Variants in XPNPEP3 observed in about 807,000 individuals in gnomAD.
XPNPEP3 encodes xaa-Pro aminopeptidase 3.
A neutral mutation model predicts 60.0 loss-of-function variants in XPNPEP3; 41 were observed. The observed-to-expected ratio is 0.68, with a 90% CI of 0.53 to 0.89. The LOEUF is 0.89. Among genes scored for constraint, XPNPEP3 ranks in the 40% least tolerant of loss-of-function variants. The probability of loss-of-function intolerance (pLI) is 0.00; values close to 1 mark genes in which losing one functional copy is unlikely to be tolerated. For synonymous variants in XPNPEP3, 212 were observed against 223.2 expected (o/e 0.95, Z 0.45); for missense variants, 598 against 638.9 (o/e 0.94, Z 0.69).
chr22:40,861,046 A>G, intron 1 of XPNPEP3: 1 of 1,553,536 alleles, frequency 6.4e-7, no homozygotes, highest in Non-Finnish European at 8.7e-7. Flanking sequence ...TTCAAATGTT[A>G]TATATTTGAA....
intron 3 of XPNPEP3, 64 bp downstream of exon 3, chr22:40,882,241 T>A (rs1256995760): frequency 6.4e-7 from 1 of 1,571,804 alleles, no homozygotes; most frequent in Non-Finnish European, 8.7e-7. Context: ...TCTTGCCTGT[T>A]TAGACAAGTC....
chr22:40,876,333 C>T (rs969117774), intron 2 of XPNPEP3, among the ~76,000 whole-genome samples: 19 of 152,150 alleles, frequency 1.2e-4, no homozygotes, highest in Non-Finnish European at 2.5e-4. Flanking sequence ...TTTGGATTCC[C>T]GGGTGACAAC....
intron 4 of XPNPEP3, among the ~76,000 whole-genome samples, chr22:40,904,961 AT>A (rs2146267753): frequency 6.6e-6 from 1 of 151,988 alleles, no homozygotes; most frequent in South Asian, 2.1e-4. Flanking sequence ...AGACAGCAGG[AT>A]TTCACCATGT....
intron 3 of XPNPEP3, 56 bp downstream of exon 3, chr22:40,882,233 T>C (rs1006853027): frequency 2.4e-5 from 39 of 1,600,706 alleles, no homozygotes; most frequent in Non-Finnish European, 3.2e-5. Context: ...AAAACCTTTC[T>C]TGCCTGTTTA....
chr22:40,923,087 C>T (rs1490075262), intron 8 of XPNPEP3, among the ~76,000 whole-genome samples: 3 of 151,992 alleles, frequency 2.0e-5, no homozygotes, highest in Non-Finnish European at 4.4e-5. Flanking sequence ...GTGGCACACA[C>T]CTCTAGTCTC....
intron 2 of XPNPEP3, among the ~76,000 whole-genome samples, chr22:40,875,224 A>G (rs1458043912): frequency 1.3e-5 from 2 of 151,986 alleles, no homozygotes; most frequent in Non-Finnish European, 2.9e-5. Flanking sequence ...CTCCCAGGCT[A>G]AACTGCAGCG....
chr22:40,894,368 T>A (rs2058100132), intron 4 of XPNPEP3, among the ~76,000 whole-genome samples: 1 of 152,198 alleles, frequency 6.6e-6, no homozygotes, highest in Admixed American at 6.6e-5. Context: ...CTTGCCTTTC[T>A]TAATCATTTT....
intron 2 of XPNPEP3, among the ~76,000 whole-genome samples, chr22:40,880,759 C>T (rs960828162): frequency 6.8e-6 from 1 of 146,910 alleles, no homozygotes; most frequent in African/African-American, 2.5e-5. Flanking sequence ...CACTGCACTT[C>T]AGCCTGGGAG....
chr22:40,895,495 C>T (rs538732169), intron 4 of XPNPEP3, among the ~76,000 whole-genome samples: 240 of 151,886 alleles, frequency 1.6e-3, no homozygotes, highest in Admixed American at 3.1e-3. Flanking sequence ...CCAGCACGCC[C>T]GGCTTATTTT....
chr22:40,917,253 T>A (rs2058199529), intron 7 of XPNPEP3: 1 of 152,008 alleles, frequency 6.6e-6, no homozygotes. Context: ...GCACATTACC[T>A]AAGGAGGGCT....
intron 1 of XPNPEP3, chr22:40,861,515 C>T (rs1050947951): frequency 2.7e-5 from 44 of 1,613,810 alleles, no homozygotes; most frequent in Non-Finnish European, 3.4e-5. Context: ...CCAATGAACC[C>T]TGTGATGTAT....
intron 1 of XPNPEP3, chr22:40,861,500 A>G (rs901860301): frequency 9.9e-6 from 16 of 1,614,076 alleles, no homozygotes; most frequent in Non-Finnish European, 1.4e-5. Context: ...TAAGGCCTTC[A>G]TGCCCCAATG....
chr22:40,894,349 A>G (rs1489462862), intron 4 of XPNPEP3, among the ~76,000 whole-genome samples: 1 of 152,174 alleles, frequency 6.6e-6, no homozygotes, highest in Non-Finnish European at 1.5e-5. Flanking sequence ...CTTTCCCCTT[A>G]GCAACAACCT....
At chr22:40,919,479 C>G (rs2146278543) in intron 7 of XPNPEP3, among the ~76,000 whole-genome samples, 1 of 152,304 alleles carries the variant, frequency 6.6e-6, no homozygotes, top group South Asian at 2.1e-4. Context: ...ATCCTCACAT[C>G]TCAACCTCCC....
At chr22:40,869,164 C>CAAT in intron 2 of XPNPEP3, 49 bp downstream of exon 2, 1 of 1,461,050 alleles carries the variant, frequency 6.8e-7, no homozygotes, top group Non-Finnish European at 9.6e-7. Flanking sequence ...CTGTCTAGAG[C>CAAT]AATGCTATGC....
intron 2 of XPNPEP3, among the ~76,000 whole-genome samples, chr22:40,873,552 C>G (rs2058016197): frequency 6.6e-6 from 1 of 152,074 alleles, no homozygotes; most frequent in Non-Finnish European, 1.5e-5. Context: ...GGTGCGGTGG[C>G]TCACGCCTAT....
chr22:40,873,215 C>T (rs1224707136), intron 2 of XPNPEP3, among the ~76,000 whole-genome samples: 1 of 150,058 alleles, frequency 6.7e-6, no homozygotes, highest in South Asian at 2.1e-4. Flanking sequence ...AGCAATTCTC[C>T]TGCCTCAGCC....
chr22:40,883,333 G>A (rs1310028946), intron 3 of XPNPEP3, among the ~76,000 whole-genome samples: 1 of 152,084 alleles, frequency 6.6e-6, no homozygotes, highest in Non-Finnish European at 1.5e-5. Context: ...CAGATCTTTT[G>A]TGGTTCATAT....
At position 40,881,863 on chromosome 22, in the gene XPNPEP3, G is replaced by A. The variant is rs1399995965; in HGVS notation, c.275G>A (p.Gly92Glu). Reference sequence around the variant, plus strand: ...CAGAAGGAAGCTCAAGGGCAGAGTGGGACAGACCAGACAGTGGTTGTGCTC... The same window carrying A: ...CAGAAGGAAGCTCAAGGGCAGAGTGAGACAGACCAGACAGTGGTTGTGCTC... ...LIQKEAQGQS[G>E]TDQTVVVLSN... Residue 92 changes from glycine to glutamate, a missense_variant, in exon 3 of 10, where the codon GGG becomes GAG. Physicochemically the swap from Gly to Glu is moderately conservative, Grantham distance 98. Transcript: ENST00000357137. The A allele has an allele frequency of 6.2e-7, 1 of 1,614,044 alleles. No individual in the cohort carries two copies. The highest frequency in any genetic ancestry group is 8.5e-7 in the Non-Finnish European group (1 of 1,179,992).
Sources: gnomAD v4.1 joint callset for allele counts (sites outside exome capture counted in the v4.1 genomes callset) on GRCh38, gnomAD v4.1.1 for gene constraint, MANE v1.5 for transcripts, NCBI Gene and HGNC (gene_info 2026-07-23, HGNC 2026-07-21) for gene names.